The following SMIM12 variants were observed in gnomAD, a reference collection of about 807,000 sequenced individuals.
SMIM12 encodes the protein UPF0767 protein C1orf212.
In SMIM12, 5 loss-of-function variants were observed where a neutral mutation model predicts 6.3. That is an observed-to-expected ratio of 0.80 (90% confidence interval 0.42 to 1.68). The LOEUF (loss-of-function observed/expected upper bound fraction) is 1.68. Ranked by LOEUF, SMIM12 falls within the 40% of genes most tolerant of loss-of-function variation. SMIM12 has a pLI of 0.02. For synonymous variants in SMIM12, 51 were observed against 48.0 expected (o/e 1.06, Z -0.26); for missense variants, 103 against 121.4 (o/e 0.85, Z 0.71).
Position 34,855,768 on chromosome 1 carries a change from C to T in SMIM12, c.210G>A (p.Val70=), listed in dbSNP as rs1442883687. Residue 70 remains valine, a synonymous_variant, in exon 2 of 2, where the codon GTG becomes GTA. Coordinates refer to ENST00000521580, the MANE Select transcript of SMIM12 (RefSeq NM_138428.6). ...ELLGKDHTQV[V]SLKDKLEFAP... is the part of the protein sequence containing the mutation. ...CAAATTCTAGCTTGTCCTTAAGGCT[C>T]ACCACCTGCGTGTGGTCCTTGCCTA... 1 of 1,573,542 alleles carries T rather than the reference C, an allele frequency of 6.4e-7. No individual in the cohort carries two copies.
At position 34,854,846 on chromosome 1, in the gene SMIM12, G is replaced by A. The variant is rs918528293; in HGVS notation, c.*853C>T. 9.2e-6 allele frequency: 2 copies of A among 216,478 alleles called. No homozygotes were observed. The highest frequency in any genetic ancestry group is 1.9e-5 in the Non-Finnish European group (2 of 107,086). 13.4% of individuals were successfully genotyped at this position (216,478 alleles called of 1,614,324 possible). A position where few individuals can be genotyped will look rare whatever the true frequency, so the allele number is the denominator to read the frequency against. Reference sequence around the variant, plus strand: ...TCTACCTCCATTTAGACTTGAAGGTGCTGCAGCCAATTGTAATAATGGTAA... The same window carrying A: ...TCTACCTCCATTTAGACTTGAAGGTACTGCAGCCAATTGTAATAATGGTAA... On this transcript the variant is annotated 3_prime_UTR_variant, in exon 2 of 2. Coordinates refer to ENST00000521580, the MANE Select transcript of SMIM12 (RefSeq NM_138428.6).
At position 34,855,388 on chromosome 1, in the gene SMIM12, C is replaced by T. The variant is rs1557679468; in HGVS notation, c.*311G>A. On this transcript the variant is annotated 3_prime_UTR_variant, in exon 2 of 2. Coordinates refer to ENST00000521580, the MANE Select transcript of SMIM12 (RefSeq NM_138428.6). ...CCAGCCATTCCCACTAGAGGCCAAA[C>T]CGCCTGCCCACAGAGATTGACAGCC... 6.7e-7 allele frequency: 1 copy of T among 1,482,626 alleles called. No individual in the cohort carries two copies. The highest frequency in any genetic ancestry group is 9.1e-7 in the Non-Finnish European group (1 of 1,096,480). 91.8% of individuals were successfully genotyped at this position (1,482,626 alleles called of 1,614,324 possible). A position where few individuals can be genotyped will look rare whatever the true frequency, so the allele number is the denominator to read the frequency against.
In SMIM12 at chr1:34,855,202, TG is replaced by T. The variant is rs1638601346; in HGVS notation, c.*496del. ...CAGAACAGAAAAGTGCTTTCCTTCC[TG>T]GGGGAATCCCATTCCTGAGCTGACA... On this transcript the variant is annotated 3_prime_UTR_variant, in exon 2 of 2. Coordinates refer to ENST00000521580, the MANE Select transcript of SMIM12 (RefSeq NM_138428.6). 5 of 1,368,370 alleles carry T rather than the reference TG, an allele frequency of 3.7e-6. No individual in the cohort carries two copies. In the African/African-American group the frequency reaches 7.4e-5, roughly 20 times the overall value. The allele number at this position is 1,368,370 out of a possible 1,614,324, so 84.8% of individuals were successfully genotyped here.
intron 1 of SMIM12, chr1:34,859,122 A>G (rs937743198): frequency 6.6e-6 from 1 of 152,244 alleles, no homozygotes; most frequent in African/African-American, 2.4e-5. Flanking sequence ...AGGGTATCAC[A>G]ATGAAAGAGG....
rs1640936654 is a variant in SMIM12, at chr1:34,851,784, T to A, written c.*3915A>T. Among the ~76,000 whole-genome samples, 1 of 152,070 alleles carries A rather than the reference T, an allele frequency of 6.6e-6. No individual in the cohort carries two copies. The highest frequency in any genetic ancestry group is 2.4e-5 in the African/African-American group (1 of 41,388). On this transcript the variant is annotated 3_prime_UTR_variant, in exon 2 of 2. Transcript: ENST00000521580. ...GGACCCTATACTAAAGCCACCACCA[T>A]CATTGGGCTGGGAAGAGACGGGGGT...
chr1:34,858,591 A>G (rs1367037305), intron 1 of SMIM12: 1 of 152,164 alleles, frequency 6.6e-6, no homozygotes, highest in Non-Finnish European at 1.5e-5. Flanking sequence ...ATACTTCTCC[A>G]TTTTACTTCC....
chr1:34,858,845 CT>C (rs1364535457), intron 1 of SMIM12: 2 of 152,226 alleles, frequency 1.3e-5, no homozygotes, highest in African/African-American at 4.8e-5. Context: ...CTTACCCTGT[CT>C]GCGTTTCTCA....
intron 1 of SMIM12, chr1:34,859,100 T>C (rs1638740982): frequency 1.3e-5 from 2 of 152,232 alleles, no homozygotes; most frequent in Admixed American, 6.5e-5. Context: ...TCCATCATAG[T>C]CGTCCCCAGG....
At position 34,854,592 on chromosome 1, in the gene SMIM12, TG is replaced by T. The variant is rs1638580480; in HGVS notation, c.*1106del. ...TCCAAAAAACCAATTATGATGACCATGTAAAATGGGAAAATGATAATAGTGA... is the reference window on the plus strand; with the variant it reads ...TCCAAAAAACCAATTATGATGACCATTAAAATGGGAAAATGATAATAGTGA... On this transcript the variant is annotated 3_prime_UTR_variant, in exon 2 of 2. Transcript: ENST00000521580. 6.6e-6 allele frequency: 1 copy of T among 152,338 alleles called. No individual in the cohort carries two copies. Among genetic ancestry groups the T allele is most frequent in the Non-Finnish European group, 1.5e-5 (1 of 68,234 alleles). The allele number at this position is 152,338 out of a possible 1,614,324, so 9.4% of individuals were successfully genotyped here. A position where few individuals can be genotyped will look rare whatever the true frequency, so the allele number is the denominator to read the frequency against.
In SMIM12 at chr1:34,854,913, C is replaced by T. The variant is rs1257493532; in HGVS notation, c.*786G>A. The T allele has an allele frequency of 2.9e-5, 12 of 419,734 alleles. No homozygotes were observed. Among genetic ancestry groups the T allele is most frequent in the Admixed American group, 1.5e-4 (3 of 20,614 alleles). 26.0% of individuals were successfully genotyped at this position (419,734 alleles called of 1,614,324 possible). ...CTGTGCCTCCAGGGTTCAGTGCAAC[C>T]GCACTAGTAAAGCAGTTTCCAGGGC... On this transcript the variant is annotated 3_prime_UTR_variant, in exon 2 of 2. Coordinates refer to ENST00000521580, the MANE Select transcript of SMIM12 (RefSeq NM_138428.6).
chr1:34,855,936 A>C lies in SMIM12; in HGVS notation c.42T>G (p.Pro14=), dbSNP rs1638640479. The change falls in exon 2 of 2, where the codon CCT becomes CCG. Residue 14 remains proline (P), a synonymous_variant. Transcript: ENST00000521580. The part of the protein sequence containing the change: ...VFWTVVRTYA[P]YVTFPVAFVV... ...CGAAGGCAACAGGGAATGTGACATA[A>C]GGAGCATAGGTACGAACCACGGTCC... 3.2e-6 allele frequency: 5 copies of C among 1,551,520 alleles called. No homozygotes were observed. In the Admixed American group the frequency reaches 5.9e-5, roughly 18 times the overall value.
At chr1:34,856,083 AT>A (rs11383879) in intron 1 of SMIM12, 101 bp from the exon 2 acceptor site, 11,552 of 1,012,004 alleles carry the variant, frequency 0.011, no homozygotes, top group South Asian at 0.014. Context: ...GCCTGGCACA[AT>A]TTTTTTTTTT....
rs942373507 is a variant in SMIM12 at position 34,854,436 on chromosome 1, G to A, written c.*1263C>T. On this transcript the variant is annotated 3_prime_UTR_variant, in exon 2 of 2. Coordinates refer to ENST00000521580, the MANE Select transcript of SMIM12 (RefSeq NM_138428.6). ...AAAATAAAAAAATTAGCTGGGCATG[G>A]TGGCATACTCCTGTAGTCCCATCTA... is the stretch of plus-strand genomic sequence containing the variant. The A allele has an allele frequency of 6.6e-6, 1 of 152,104 alleles. No homozygotes were observed. The highest frequency in any genetic ancestry group is 1.5e-5 in the Non-Finnish European group (1 of 68,088). The allele number at this position is 152,104 out of a possible 1,614,324, so 9.4% of individuals were successfully genotyped here.
In SMIM12 at chr1:34,856,122, C is replaced by T. The variant is rs557876946; in HGVS notation, c.-5-140G>A. ...TTGAGACGGAGTCTTGCTCTGTCGC[C>T]CAGGCTGGAGTGCAGTGGCACGATC... On this transcript the variant is annotated intron_variant, in intron 1 of 1. Coordinates refer to ENST00000521580, the MANE Select transcript of SMIM12 (RefSeq NM_138428.6). 50 of 1,075,320 alleles carry T rather than the reference C, an allele frequency of 4.6e-5. No homozygotes were observed. In the East Asian group the frequency reaches 1.3e-3, roughly 27 times the overall value. 66.6% of individuals were successfully genotyped at this position (1,075,320 alleles called of 1,614,324 possible). A position where few individuals can be genotyped will look rare whatever the true frequency, so the allele number is the denominator to read the frequency against.
At position 34,851,657 on chromosome 1, in the gene SMIM12, G is replaced by A. The variant is rs1640932473; in HGVS notation, c.*4042C>T. ...TCTGGCAGCTGCCCAGCCGACTTGT[G>A]CTAACACAGCAACAGGCACAGGAAA... On this transcript the variant is annotated 3_prime_UTR_variant, in exon 2 of 2. Transcript: ENST00000521580. 6.6e-6 allele frequency: 1 copy of A among 152,252 alleles called. No individual in the cohort carries two copies. The highest frequency in any genetic ancestry group is 2.1e-4 in the South Asian group (1 of 4,824). The allele number at this position is 152,252 out of a possible 1,614,324, so 9.4% of individuals were successfully genotyped here. A position where few individuals can be genotyped will look rare whatever the true frequency, so the allele number is the denominator to read the frequency against.
At chr1:34,856,826 G>A (rs1638669018) in intron 1 of SMIM12, 1 of 152,122 alleles carries the variant, frequency 6.6e-6, no homozygotes, top group African/African-American at 2.4e-5. Flanking sequence ...AATAGATAAT[G>A]GTTTTATCCT....
rs893618942 is a variant in SMIM12 at position 34,854,844 on chromosome 1, G to A, written c.*855C>T. The A allele has an allele frequency of 3.7e-5, 8 of 214,518 alleles. No individual in the cohort carries two copies. The highest frequency in any genetic ancestry group is 7.0e-5 in the South Asian group (1 of 14,234). The allele number at this position is 214,518 out of a possible 1,614,324, so 13.3% of individuals were successfully genotyped here. On this transcript the variant is annotated 3_prime_UTR_variant, in exon 2 of 2. Transcript: ENST00000521580. ...GGTCTACCTCCATTTAGACTTGAAG[G>A]TGCTGCAGCCAATTGTAATAATGGT...
rs1301561422 is a variant in SMIM12, at chr1:34,854,501, G to C, written c.*1198C>G. The C allele has an allele frequency of 6.6e-6, 1 of 152,078 alleles. No individual in the cohort carries two copies. Among genetic ancestry groups the C allele is most frequent in the Non-Finnish European group, 1.5e-5 (1 of 68,060 alleles). The allele number at this position is 152,078 out of a possible 1,614,324, so 9.4% of individuals were successfully genotyped here. A position where few individuals can be genotyped will look rare whatever the true frequency, so the allele number is the denominator to read the frequency against. On this transcript the variant is annotated 3_prime_UTR_variant, in exon 2 of 2. Coordinates refer to ENST00000521580, the MANE Select transcript of SMIM12 (RefSeq NM_138428.6). ...GTGAGAGGATCACTTGAGCCCAGGA[G>C]GTCAAGGTTGCACTGAGCCGTAATT...
At position 34,850,793 on chromosome 1, in the gene SMIM12, C is replaced by G. The variant is rs904177480; in HGVS notation, c.*4906G>C. ...TGCCTCCAAGTCCAAGGCTCTTTCC[C>G]CTCCCAATTCTCCTGATCTGTGACC... On this transcript the variant is annotated 3_prime_UTR_variant, in exon 2 of 2. Coordinates refer to ENST00000521580, the MANE Select transcript of SMIM12 (RefSeq NM_138428.6). 3.9e-5 allele frequency: 6 copies of G among 152,218 alleles called. No individual in the cohort carries two copies. Among genetic ancestry groups the G allele is most frequent in the African/African-American group, 1.4e-4 (6 of 41,434 alleles). 9.4% of individuals were successfully genotyped at this position (152,218 alleles called of 1,614,324 possible).
Sources: gnomAD v4.1 joint callset for allele counts (sites outside exome capture counted in the v4.1 genomes callset) on GRCh38, gnomAD v4.1.1 for gene constraint, MANE v1.5 for transcripts, NCBI Gene and HGNC (gene_info 2026-07-23, HGNC 2026-07-21) for gene names.